TBCK: variants seen among roughly 807,000 people sequenced by gnomAD.
TBCK encodes TBC1 domain containing kinase, also known as TBC domain-containing protein kinase-like protein.
Under a neutral mutation model 113.4 loss-of-function variants are expected in TBCK, and 99 were observed. The ratio of observed to expected loss-of-function variants is 0.87; its 90% CI spans 0.74 to 1.03. TBCK has a LOEUF of 1.03. TBCK is among the 50% of genes least tolerant of loss of function. The probability of loss-of-function intolerance (pLI) is 0.00; values close to 1 mark genes in which losing one functional copy is unlikely to be tolerated. For missense variants in TBCK, 1,045 were observed against 1,061.3 expected (o/e 0.98, Z 0.21); for synonymous variants, 369 against 370.8 (o/e 1.00, Z 0.05).
intron 23 of TBCK, among the ~76,000 whole-genome samples, chr4:106,147,686 G>A (rs1489102666): frequency 1.3e-5 from 2 of 151,934 alleles, no homozygotes; most frequent in Non-Finnish European, 2.9e-5. Flanking sequence ...CGAGGAGGAT[G>A]TATGTCCCCT....
At chr4:106,278,244 T>C (rs1160496521) in intron 3 of TBCK, among the ~76,000 whole-genome samples, 1 of 151,946 alleles carries the variant, frequency 6.6e-6, no homozygotes, top group African/African-American at 2.4e-5. Context: ...GATATCAAAC[T>C]TGAATCAAAA....
intron 3 of TBCK, among the ~76,000 whole-genome samples, chr4:106,294,221 C>T (rs1015399356): frequency 2.0e-5 from 3 of 151,510 alleles, no homozygotes; most frequent in South Asian, 2.1e-4. Context: ...GATGGAGTCG[C>T]GCTCTTTTGC....
At chr4:106,174,879 T>G (rs953868840) in intron 22 of TBCK, among the ~76,000 whole-genome samples, 3 of 152,100 alleles carry the variant, frequency 2.0e-5, no homozygotes, top group Admixed American at 2.0e-4. Flanking sequence ...TCCTAGCACT[T>G]TGGGAGGCCA....
At chr4:106,071,161 G>T (rs918052578) in intron 25 of TBCK, among the ~76,000 whole-genome samples, 1 of 151,970 alleles carries the variant, frequency 6.6e-6, no homozygotes, top group East Asian at 1.9e-4. Flanking sequence ...GTTTGCTCTT[G>T]CTTCTCTAGT....
chr4:106,217,133 T>C (rs1441360870), intron 19 of TBCK, among the ~76,000 whole-genome samples: 4 of 151,690 alleles, frequency 2.6e-5, no homozygotes, highest in East Asian at 3.9e-4. Flanking sequence ...ATTATCTCAA[T>C]AGATGCAGAA....
At chr4:106,199,564 A>G (rs985531240) in intron 20 of TBCK, among the ~76,000 whole-genome samples, 1 of 152,120 alleles carries the variant, frequency 6.6e-6, no homozygotes, top group African/African-American at 2.4e-5. Context: ...TGTTTTCTCC[A>G]CTTGCATGTC....
chr4:106,191,709 A>C (rs1164090656), intron 22 of TBCK, among the ~76,000 whole-genome samples: 2 of 152,204 alleles, frequency 1.3e-5, no homozygotes, highest in Non-Finnish European at 2.9e-5. Flanking sequence ...TAACCTATTT[A>C]TAAGCAAAAC....
intron 2 of TBCK, among the ~76,000 whole-genome samples, chr4:106,296,810 A>C (rs1560985630): frequency 6.6e-6 from 1 of 152,174 alleles, no homozygotes; most frequent in African/African-American, 2.4e-5. Flanking sequence ...AATTTAAAGA[A>C]AATTAACTTT....
intron 22 of TBCK, among the ~76,000 whole-genome samples, chr4:106,192,088 T>C (rs544112757): frequency 2.6e-5 from 4 of 152,256 alleles, no homozygotes; most frequent in Admixed American, 1.3e-4. Flanking sequence ...TAATTTTTCC[T>C]ATGGAATTAA....
intron 3 of TBCK, among the ~76,000 whole-genome samples, chr4:106,263,498 C>T (rs1363587818): frequency 6.6e-6 from 1 of 151,618 alleles, no homozygotes; most frequent in African/African-American, 2.4e-5. Context: ...TTGCCATGGG[C>T]TTGGGTGGGG....
chr4:106,141,092 A>T (rs975859578), intron 23 of TBCK, among the ~76,000 whole-genome samples: 2 of 140,664 alleles, frequency 1.4e-5, no homozygotes, highest in African/African-American at 5.0e-5. Flanking sequence ...AGACAGCAAA[A>T]CAATAGAAAC....
At chr4:106,242,627 A>G in intron 11 of TBCK, 58 bp from the exon 12 acceptor site, 1 of 1,237,688 alleles carries the variant, frequency 8.1e-7, no homozygotes, top group Non-Finnish European at 1.1e-6. Context: ...TGTTTCTTCT[A>G]GAAAGTAAAG....
rs562836167 is a variant in TBCK at position 106,175,469 on chromosome 4, T to C, written c.2060-4199A>G. On this transcript the variant is annotated intron_variant, in intron 22 of 25. Coordinates refer to ENST00000394708, the MANE Select transcript of TBCK (RefSeq NM_001163435.3). ...AGAAGACTCCTAAGTAAGATATTTC[T>C]CCTTCTGGGAACATTGAGTTTTTCC... Among the ~76,000 whole-genome samples the C allele has an allele frequency of 1.1e-4, 16 of 151,894 alleles. No homozygotes were observed. The South Asian group carries it at 2.1e-3, about 20-fold the overall frequency.
At chr4:106,116,987 C>G (rs762764690) in intron 23 of TBCK, among the ~76,000 whole-genome samples, 1 of 151,956 alleles carries the variant, frequency 6.6e-6, no homozygotes. Flanking sequence ...CCCCCCATCT[C>G]AAACCCAGTC....
At chr4:106,068,168 ATAGTTT>A (rs946192580) in intron 25 of TBCK, among the ~76,000 whole-genome samples, 1 of 151,896 alleles carries the variant, frequency 6.6e-6, no homozygotes, top group East Asian at 1.9e-4. Context: ...ATTTTTTATT[ATAGTTT>A]AAGTTCTAGG....
intron 23 of TBCK, among the ~76,000 whole-genome samples, chr4:106,167,540 A>G (rs922372908): frequency 2.0e-5 from 3 of 151,650 alleles, no homozygotes; most frequent in Admixed American, 1.3e-4. Context: ...AGCAGAAATC[A>G]ATGAAATTGA....
rs555200215 is a variant in TBCK, at chr4:106,287,784, G to C, written c.266+7310C>G. Reference sequence around the variant, plus strand: ...CTTAGAAACAGATCACCCAACTCCAGAAAAGCTTTTATAACAGATGACTGG... The same window carrying C: ...CTTAGAAACAGATCACCCAACTCCACAAAAGCTTTTATAACAGATGACTGG... On this transcript the variant is annotated intron_variant, in intron 3 of 25. Transcript: ENST00000394708. Among the ~76,000 whole-genome samples, 19 of 152,220 alleles carry C rather than the reference G, an allele frequency of 1.2e-4. No individual in the cohort carries two copies. The South Asian group carries it at 1.9e-3, about 15-fold the overall frequency.
intron 12 of TBCK, chr4:106,238,878 C>A (rs1226017949): frequency 6.6e-6 from 1 of 152,128 alleles, no homozygotes; most frequent in Non-Finnish European, 1.5e-5. Context: ...CTAATACTTG[C>A]AGGCTGAGCA....
At position 106,251,961 on chromosome 4, in the gene TBCK, T is replaced by C; in HGVS notation, c.502A>G (p.Lys168Glu). 1.2e-6 allele frequency: 2 copies of C among 1,612,024 alleles called. No individual in the cohort carries two copies. The highest frequency in any genetic ancestry group is 1.1e-5 in the South Asian group (1 of 90,762). The part of the protein sequence containing the change: ...APEVIAQGIF[K>E]TTDHMPSKKP... ...TTACTTGGCATGTGATCAGTGGTTT[T>C]GAAAATTCCCTGTGCAATTACCTCA... The change falls in exon 6 of 26, where the codon AAA (lysine) becomes GAA (glutamate). Residue 168 changes from lysine (K) to glutamate (E), a missense_variant. Physicochemically the swap from Lys to Glu is moderately conservative, Grantham distance 56. Coordinates refer to ENST00000394708, the MANE Select transcript of TBCK (RefSeq NM_001163435.3).
Sources: gnomAD v4.1 joint callset for allele counts (sites outside exome capture counted in the v4.1 genomes callset) on GRCh38, gnomAD v4.1.1 for gene constraint, MANE v1.5 for transcripts, NCBI Gene and HGNC (gene_info 2026-07-23, HGNC 2026-07-21) for gene names.